TRIP12: variants seen among roughly 807,000 people sequenced by gnomAD.
TRIP12 encodes thyroid hormone receptor interactor 12, also known as E3 ubiquitin-protein ligase TRIP12.
TRIP12 carries 25 observed loss-of-function variants against 244.2 expected under a neutral mutation model. That is an observed-to-expected ratio of 0.10 (90% CI 0.07 to 0.14). The LOEUF is 0.14. Ranked by LOEUF, TRIP12 falls within the 10% of genes least tolerant of loss-of-function variation. The probability of loss-of-function intolerance (pLI) is 1.00; values close to 1 mark genes in which losing one functional copy is unlikely to be tolerated. For synonymous variants in TRIP12, 905 were observed against 873.1 expected (o/e 1.04, Z -0.64); for missense variants, 1,677 against 2,486.4 (o/e 0.67, Z 6.92).
intron 1 of TRIP12, chr2:229,921,590 T>C (rs1302184079): frequency 6.6e-6 from 1 of 151,056 alleles, no homozygotes; most frequent in Non-Finnish European, 1.5e-5. Context: ...GCCCTCCTCA[T>C]TGCGGGAAGC....
chr2:229,853,426 G>A (rs767894280), intron 4 of TRIP12, among the ~76,000 whole-genome samples: 35 of 152,094 alleles, frequency 2.3e-4, no homozygotes, highest in Non-Finnish European at 4.3e-4. Flanking sequence ...CTGGCTGGGC[G>A]AGGCGGGCAG....
Position 229,818,269 on chromosome 2 carries a change from A to C in TRIP12, c.1599+95T>G, listed in dbSNP as rs2049008201. On this transcript the variant is annotated intron_variant, in intron 9 of 41. Transcript: ENST00000675903. Reference sequence around the variant, plus strand: ...CCTCTCTTAACTCTATCATGTTTTAAAAATTAATAATGACAATAATCATAC... The same window carrying C: ...CCTCTCTTAACTCTATCATGTTTTACAAATTAATAATGACAATAATCATAC... 3 of 1,340,340 alleles carry C rather than the reference A, an allele frequency of 2.2e-6. No homozygotes were observed. The Admixed American group carries it at 6.5e-5, about 29-fold the overall frequency. 83.0% of individuals were successfully genotyped at this position (1,340,340 alleles called of 1,614,324 possible).
intron 32 of TRIP12, among the ~76,000 whole-genome samples, chr2:229,788,223 C>T (rs1268695881): frequency 6.6e-6 from 1 of 152,198 alleles, no homozygotes; most frequent in Non-Finnish European, 1.5e-5. Flanking sequence ...AAATCCTACA[C>T]TTAAGTCGAT....
Position 229,799,030 on chromosome 2 carries a change from A to G in TRIP12, c.3327T>C (p.Thr1109=). ...VDNQAKSPTT[T]QSPKSSFLAS... Reference sequence around the variant, plus strand: ...CCAGGAAAGAAGATTTAGGTGACTGAGTAGTGGTGGGGCTTTTAGCTATGA... The same window carrying G: ...CCAGGAAAGAAGATTTAGGTGACTGGGTAGTGGTGGGGCTTTTAGCTATGA... Residue 1109 remains threonine (T), a synonymous_variant, in exon 23 of 42, where the codon ACT becomes ACC. Coordinates refer to ENST00000675903, the MANE Select transcript of TRIP12 (RefSeq NM_001348323.3). 3 of 1,614,182 alleles carry G rather than the reference A, an allele frequency of 1.9e-6. No homozygotes were observed. Among genetic ancestry groups the G allele is most frequent in the Non-Finnish European group, 2.5e-6 (3 of 1,180,032 alleles).
At chr2:229,813,457 A>C (rs1171875230) in intron 13 of TRIP12, among the ~76,000 whole-genome samples, 1 of 152,218 alleles carries the variant, frequency 6.6e-6, no homozygotes, top group Non-Finnish European at 1.5e-5. Flanking sequence ...TTATATATGC[A>C]GTTAAAGATT....
intron 1 of TRIP12, among the ~76,000 whole-genome samples, chr2:229,884,452 G>A (rs1181286774): frequency 6.6e-6 from 1 of 151,814 alleles, no homozygotes; most frequent in Non-Finnish European, 1.5e-5. Context: ...GGCCAGGCTG[G>A]TCTTGAACTC....
chr2:229,863,721 A>T (rs1046620532), intron 2 of TRIP12, among the ~76,000 whole-genome samples: 4 of 152,326 alleles, frequency 2.6e-5, no homozygotes, highest in Admixed American at 6.5e-5. Flanking sequence ...CCATAAAATA[A>T]TGATGTCCAA....
intron 1 of TRIP12, among the ~76,000 whole-genome samples, chr2:229,894,194 G>A (rs912862417): frequency 6.6e-6 from 1 of 152,052 alleles, no homozygotes; most frequent in Non-Finnish European, 1.5e-5. Context: ...GTGTGTAGTA[G>A]TATCTTATTA....
chr2:229,887,518 C>T (rs1375810246), intron 1 of TRIP12, among the ~76,000 whole-genome samples: 2 of 152,120 alleles, frequency 1.3e-5, no homozygotes, highest in Non-Finnish European at 2.9e-5. Flanking sequence ...AGCTACCAAA[C>T]AGATCTAAGG....
At chr2:229,908,556 C>A (rs575488384) in intron 1 of TRIP12, among the ~76,000 whole-genome samples, 2 of 150,466 alleles carry the variant, frequency 1.3e-5, no homozygotes, top group South Asian at 4.2e-4. Flanking sequence ...CATGGTGAAA[C>A]CCCGTCTCTA....
rs1270924051 is a variant in TRIP12, at chr2:229,858,777, A to G, written c.1022T>C (p.Leu341Ser). 6.4e-7 allele frequency: 1 copy of G among 1,564,270 alleles called. No homozygotes were observed. Among genetic ancestry groups the G allele is most frequent in the Non-Finnish European group, 8.7e-7 (1 of 1,154,110 alleles). Residue 341 changes from leucine to serine, a missense_variant, in exon 4 of 42, where the codon TTA (leucine) becomes TCA (serine). Leu to Ser is a moderately radical substitution (Grantham distance 145). Transcript: ENST00000675903. ...KPGPSGLQAK[L>S]ASLRKSTKKR... ...ATACCTTTTTGTAAACTTACTTGCTAATTTGGCCTGTAATCCAGAAGGTCC... is the reference window on the plus strand; with the variant it reads ...ATACCTTTTTGTAAACTTACTTGCTGATTTGGCCTGTAATCCAGAAGGTCC...
At chr2:229,863,861 G>C (rs1488316718) in intron 2 of TRIP12, among the ~76,000 whole-genome samples, 2 of 152,050 alleles carry the variant, frequency 1.3e-5, no homozygotes, top group African/African-American at 4.8e-5. Flanking sequence ...TTATTAAAAA[G>C]CATAATCTTT....
chr2:229,791,738 G>C (rs2041595315), intron 29 of TRIP12, 128 bp downstream of exon 29: 3 of 952,916 alleles, frequency 3.1e-6, no homozygotes, highest in Admixed American at 4.8e-5. Flanking sequence ...TCGTCTTTCA[G>C]AACTAAAATG....
At position 229,784,121 on chromosome 2, in the gene TRIP12, A is replaced by AG. The variant is rs1553601602; in HGVS notation, c.5094+1635_5094+1636insC. ...GCAAAACTCCGTCTCAAAAAAAAAA[A>AG]AGAGAGAGAAAAGAAAAAAAAAAAA... On this transcript the variant is annotated intron_variant, in intron 34 of 41. Transcript: ENST00000675903. Among the ~76,000 whole-genome samples the AG allele has an allele frequency of 5.4e-3, 822 of 151,384 alleles. 6 individuals carry two copies. The highest frequency in any genetic ancestry group is 0.019 in the African/African-American group (770 of 41,222).
At chr2:229,884,652 A>G (rs1160189385) in intron 1 of TRIP12, among the ~76,000 whole-genome samples, 2 of 152,202 alleles carry the variant, frequency 1.3e-5, no homozygotes, top group Non-Finnish European at 2.9e-5. Flanking sequence ...CAGAACTTTC[A>G]GAACACTGAA....
chr2:229,826,513 T>C (rs919912661), intron 8 of TRIP12, among the ~76,000 whole-genome samples: 11 of 152,232 alleles, frequency 7.2e-5, no homozygotes, highest in African/African-American at 2.7e-4. Context: ...GAGCATTATC[T>C]TGAACTACAT....
At chr2:229,884,456 T>C (rs1014004789) in intron 1 of TRIP12, among the ~76,000 whole-genome samples, 5 of 151,972 alleles carry the variant, frequency 3.3e-5, no homozygotes, top group Admixed American at 3.3e-4. Context: ...AGGCTGGTCT[T>C]GAACTCATGA....
Position 229,778,417 on chromosome 2 carries a change from A to G in TRIP12, c.5364+16T>C, listed in dbSNP as rs2037019390. 6.2e-6 allele frequency: 10 copies of G among 1,613,388 alleles called. No homozygotes were observed. The Admixed American group carries it at 1.5e-4, about 24-fold the overall frequency. ...TCTACACCAAAACTGCAAAAAGCAA[A>G]CCATCCTAAACTTACCAATCTGAAA... is the stretch of plus-strand genomic sequence containing the variant. On this transcript the variant is annotated intron_variant, in intron 36 of 41. Transcript: ENST00000675903. The surrounding 1 kb of genome is among the most constrained non-coding windows in gnomAD (Gnocchi z 4.1).
At chr2:229,821,259 C>A (rs1386090914) in intron 8 of TRIP12, among the ~76,000 whole-genome samples, 5 of 152,138 alleles carry the variant, frequency 3.3e-5, no homozygotes, top group Admixed American at 3.3e-4. Context: ...AGCTTTTGCA[C>A]CATCAGTTCA....
Sources: gnomAD v4.1 joint callset for allele counts (sites outside exome capture counted in the v4.1 genomes callset) on GRCh38, gnomAD v4.1.1 for gene constraint, Gnocchi (gnomAD v3.1) non-coding constraint, MANE v1.5 for transcripts, NCBI Gene and HGNC (gene_info 2026-07-23, HGNC 2026-07-21) for gene names.